Variants in CNTLN observed in about 807,000 individuals in gnomAD.
The protein encoded by CNTLN is centlein.
Under a neutral mutation model 180.0 loss-of-function variants are expected in CNTLN, and 212 were observed. That is an observed-to-expected ratio of 1.18 (90% CI 1.05 to 1.32). The LOEUF (loss-of-function observed/expected upper bound fraction) is 1.32, where lower values mean the gene tolerates loss of function less well. Ranked by LOEUF, CNTLN falls within the 40% of genes most tolerant of loss-of-function variation. The probability of loss-of-function intolerance (pLI) is 0.00; values close to 1 mark genes in which losing one functional copy is unlikely to be tolerated. For synonymous variants in CNTLN, 722 were observed against 563.1 expected (o/e 1.28, Z -3.99); for missense variants, 2,095 against 1,610.9 (o/e 1.30, Z -5.14).
chr9:17,245,392 G>C (rs948765388), intron 5 of CNTLN, among the ~76,000 whole-genome samples: 2 of 147,544 alleles, frequency 1.4e-5, no homozygotes, highest in African/African-American at 5.0e-5. Flanking sequence ...AGTTTCCACT[G>C]TGCAGTCTGC....
In CNTLN at chr9:17,451,202, GAGTTCTTGCCTGT is replaced by G. The variant is rs1830759595; in HGVS notation, c.3115-6319_3115-6307del. 5.3e-5 allele frequency among the ~76,000 whole-genome samples: 8 copies of G among 152,130 alleles called. No homozygotes were observed. The South Asian group carries it at 1.7e-3, about 32-fold the overall frequency. ...ATTAAGATTATGGTGACTTTCTAGG[GAGTTCTTGCCTGT>G]AGAATTTACATATATTCTGTTCAAT... On this transcript the variant is annotated intron_variant, in intron 18 of 25. Coordinates refer to ENST00000380647, the MANE Select transcript of CNTLN (RefSeq NM_017738.4).
intron 13 of CNTLN, among the ~76,000 whole-genome samples, chr9:17,386,482 G>A (rs1825691899): frequency 6.6e-6 from 1 of 152,200 alleles, no homozygotes; most frequent in Admixed American, 6.5e-5. Context: ...AAATAGGAGT[G>A]TGTATTTCTA....
chr9:17,212,941 C>G (rs556772286), intron 2 of CNTLN, among the ~76,000 whole-genome samples: 2 of 152,182 alleles, frequency 1.3e-5, no homozygotes, highest in South Asian at 4.2e-4. Flanking sequence ...TGATTCTTCT[C>G]TCTTTTCTTC....
At chr9:17,294,239 C>A (rs1452390735) in intron 6 of CNTLN, among the ~76,000 whole-genome samples, 1 of 152,006 alleles carries the variant, frequency 6.6e-6, no homozygotes, top group Non-Finnish European at 1.5e-5. Context: ...GGAAGGGGAC[C>A]CAAGGGGGTT....
intron 25 of CNTLN, 77 bp downstream of exon 25, chr9:17,487,143 C>T (rs554852881): frequency 1.1e-4 from 109 of 974,664 alleles, no homozygotes; most frequent in Middle Eastern, 2.1e-4. Flanking sequence ...AGATGTCTAA[C>T]TTTTTGTAAA....
At chr9:17,313,616 A>C (rs7849084) in intron 8 of CNTLN, among the ~76,000 whole-genome samples, 87,385 of 151,506 alleles carry the variant, frequency 0.58, 25,584 homozygotes, top group East Asian at 0.73. Flanking sequence ...TCATTATAGT[A>C]ATCCATCTTG....
chr9:17,481,927 G>A (rs947427487), intron 23 of CNTLN, among the ~76,000 whole-genome samples: 18 of 152,146 alleles, frequency 1.2e-4, no homozygotes, highest in African/African-American at 4.3e-4. Flanking sequence ...CAGATCCAAA[G>A]GTTGGACTGA....
At chr9:17,228,525 T>A (rs1563902338) in intron 3 of CNTLN, among the ~76,000 whole-genome samples, 2 of 152,092 alleles carry the variant, frequency 1.3e-5, no homozygotes, top group Admixed American at 1.3e-4. Flanking sequence ...TATTCAGAGT[T>A]ACATTTCTTG....
chr9:17,506,211 T>C (rs1041130820), downstream of CNTLN, among the ~76,000 whole-genome samples: 4 of 152,062 alleles, frequency 2.6e-5, no homozygotes, highest in African/African-American at 4.8e-5. Flanking sequence ...ACCTCAGATT[T>C]GGTGAAGAAT....
chr9:17,161,866 G>T (rs1015173511), intron 2 of CNTLN, among the ~76,000 whole-genome samples: 8 of 152,070 alleles, frequency 5.3e-5, no homozygotes, highest in Non-Finnish European at 2.9e-5. Context: ...TCCATCCAGA[G>T]TTGAGCTATT....
intron 8 of CNTLN, among the ~76,000 whole-genome samples, chr9:17,323,694 C>G (rs773708657): frequency 6.6e-6 from 1 of 152,206 alleles, no homozygotes; most frequent in Non-Finnish European, 1.5e-5. Flanking sequence ...ATAATTGTAA[C>G]AGATGTGGCA....
At chr9:17,513,966 T>C in the CNTLN span, among the ~76,000 whole-genome samples, 3 of 152,234 alleles carry the variant, frequency 2.0e-5, no homozygotes, top group African/African-American at 7.2e-5. Context: ...TTTAAGGTAA[T>C]ATATGATTTG....
chr9:17,269,360 A>G (rs951978351), intron 5 of CNTLN, among the ~76,000 whole-genome samples: 3 of 151,714 alleles, frequency 2.0e-5, no homozygotes, highest in Non-Finnish European at 4.4e-5. Context: ...TAGGTTGTTG[A>G]GATTTTTCTT....
At chr9:17,156,094 G>T (rs188041460) in intron 2 of CNTLN, among the ~76,000 whole-genome samples, 1 of 152,276 alleles carries the variant, frequency 6.6e-6, no homozygotes, top group East Asian at 1.9e-4. Flanking sequence ...AGATGAACCG[G>T]GTACTTCAGT....
chr9:17,523,235 T>C, the CNTLN span, among the ~76,000 whole-genome samples: 2 of 152,272 alleles, frequency 1.3e-5, no homozygotes, highest in African/African-American at 4.8e-5. Flanking sequence ...GATGGACTTA[T>C]ACATACGTTT....
rs543019909 is a variant in CNTLN at position 17,415,026 on chromosome 9, C to T, written c.2797-762C>T. Reference sequence around the variant, plus strand: ...GCTTGAACCTGGGAGGCGGAGGTTGCGGTGAACTGAGATTGTGCCACTGTA... The same window carrying T: ...GCTTGAACCTGGGAGGCGGAGGTTGTGGTGAACTGAGATTGTGCCACTGTA... On this transcript the variant is annotated intron_variant, in intron 16 of 25. Coordinates refer to ENST00000380647, the MANE Select transcript of CNTLN (RefSeq NM_017738.4). 9.2e-5 allele frequency among the ~76,000 whole-genome samples: 14 copies of T among 151,616 alleles called. No homozygotes were observed. The South Asian group carries it at 2.1e-3, about 23-fold the overall frequency.
chr9:17,191,993 G>T (rs1207661572), intron 2 of CNTLN, among the ~76,000 whole-genome samples: 1 of 151,890 alleles, frequency 6.6e-6, no homozygotes, highest in African/African-American at 2.4e-5. Context: ...CTGTTTTTTT[G>T]ACTCAAAAAT....
intron 2 of CNTLN, among the ~76,000 whole-genome samples, chr9:17,200,792 C>T (rs1822468453): frequency 6.6e-6 from 1 of 152,140 alleles, no homozygotes; most frequent in Admixed American, 6.6e-5. Context: ...GACAATTTGA[C>T]TTCCTCTCTT....
chr9:17,409,361 G>A lies in CNTLN; in HGVS notation c.2684G>A (p.Ser895Asn), dbSNP rs538674525. 1 of 1,613,398 alleles carries A rather than the reference G, an allele frequency of 6.2e-7. No individual in the cohort carries two copies. Among genetic ancestry groups the A allele is most frequent in the Non-Finnish European group, 8.5e-7 (1 of 1,179,632 alleles). ...TIIVETSQKI[S>N]PTEDGKDQKE... ...ATTGTAGAAACATCCCAGAAAATAA[G>A]TCCTACGGAAGATGGAAAAGACCAG... Residue 895 changes from serine (S) to asparagine (N), a missense_variant, in exon 16 of 26, where the codon AGT becomes AAT. Transcript: ENST00000380647.
Sources: allele counts gnomAD v4.1 joint callset (sites outside exome capture counted in the v4.1 genomes callset), GRCh38; gene constraint gnomAD v4.1.1; transcripts MANE v1.5; gene names NCBI Gene and HGNC (gene_info 2026-07-23, HGNC 2026-07-21).